The following CHRM3 variants were observed in gnomAD, a reference collection of about 807,000 sequenced individuals.
CHRM3 encodes muscarinic acetylcholine receptor M3.
Under a neutral mutation model 41.8 loss-of-function variants are expected in CHRM3, and 11 were observed. The ratio of observed to expected loss-of-function variants is 0.26; its 90% CI spans 0.17 to 0.44. CHRM3 has a LOEUF of 0.44. Among genes scored for constraint, CHRM3 ranks in the 20% least tolerant of loss-of-function variants. The pLI is 1.00. For synonymous variants in CHRM3, 297 were observed against 301.4 expected, an observed-to-expected ratio of 0.99 and a Z score of 0.15; for missense variants, 571 against 745.4, an observed-to-expected ratio of 0.77 and a Z score of 2.72.
chr1:239,905,943 A>G (rs1252353667), intron 6 of CHRM3, among the ~76,000 whole-genome samples: 2 of 152,230 alleles, frequency 1.3e-5, no homozygotes, highest in Admixed American at 6.5e-5. Flanking sequence ...ATATGTTAAA[A>G]CATTTTGATG....
At chr1:239,675,739 T>C (rs926616477) in intron 4 of CHRM3, among the ~76,000 whole-genome samples, 1 of 152,180 alleles carries the variant, frequency 6.6e-6, no homozygotes, top group Admixed American at 6.5e-5. Flanking sequence ...TCCTCTTTCA[T>C]GAGGGTGAGG....
At chr1:239,632,785 C>T (rs566294383) in intron 4 of CHRM3, among the ~76,000 whole-genome samples, 1 of 152,194 alleles carries the variant, frequency 6.6e-6, no homozygotes, top group South Asian at 2.1e-4. Context: ...ATCCAGCAAA[C>T]ACTGCTAACA....
intron 3 of CHRM3, chr1:239,606,015 A>G (rs1286927007): frequency 6.6e-6 from 1 of 152,170 alleles, no homozygotes; most frequent in Non-Finnish European, 1.5e-5. Flanking sequence ...TGTACAGTGT[A>G]CTTGACCAGA....
chr1:239,459,700 C>T (rs1161778194), intron 1 of CHRM3, among the ~76,000 whole-genome samples: 2 of 152,114 alleles, frequency 1.3e-5, no homozygotes, highest in Non-Finnish European at 2.9e-5. Flanking sequence ...TCTTCTCTAA[C>T]CTAGAATTAT....
rs138884858 is a variant in CHRM3 at position 239,711,180 on chromosome 1, C to T, written c.-147+32892C>T. Among the ~76,000 whole-genome samples the T allele has an allele frequency of 9.8e-3, 1,484 of 152,152 alleles. 27 individuals carry two copies. The highest frequency in any genetic ancestry group is 0.033 in the African/African-American group (1,386 of 41,512). On this transcript the variant is annotated intron_variant, in intron 5 of 6. Transcript: ENST00000676153. ...GTGTTGTTTGCCCATCTGCTTCTTC[C>T]ACTACACCGTAAGGTTTTGGGGTCA...
At chr1:239,580,718 C>T (rs1051457790) in intron 3 of CHRM3, among the ~76,000 whole-genome samples, 18 of 51,168 alleles carry the variant, frequency 3.5e-4, no homozygotes, top group South Asian at 3.0e-3. Context: ...CACACACACA[C>T]ACACACACAC....
At position 239,907,748 on chromosome 1, in the gene CHRM3, G is replaced by A. The variant is rs201994975; in HGVS notation, c.297G>A (p.Leu99=). 80 of 1,614,096 alleles carry A rather than the reference G, an allele frequency of 5.0e-5. No individual in the cohort carries two copies. Among genetic ancestry groups the A allele is most frequent in the Non-Finnish European group, 6.6e-5 (78 of 1,180,040 alleles). ...VIVSFKVNKQ[L]KTVNNYFLLS... ...TGTCATTTAAGGTCAACAAGCAGCT[G>A]AAGACGGTCAACAACTACTTCCTCT... Residue 99 remains leucine, a synonymous_variant, in exon 7 of 7, where the codon CTG becomes CTA. Coordinates refer to ENST00000676153, the MANE Select transcript of CHRM3 (RefSeq NM_001375978.1). The surrounding 1 kb of genome is among the most constrained non-coding windows in gnomAD (Gnocchi z 5.4).
intron 5 of CHRM3, among the ~76,000 whole-genome samples, chr1:239,794,305 G>GA (rs1187052743): frequency 1.3e-5 from 2 of 151,206 alleles, no homozygotes; most frequent in Non-Finnish European, 2.9e-5. Context: ...CGTGGTTACA[G>GA]AAAAAACCTT....
At chr1:239,867,097 C>T (rs1046861806) in intron 6 of CHRM3, among the ~76,000 whole-genome samples, 11 of 152,182 alleles carry the variant, frequency 7.2e-5, no homozygotes, top group African/African-American at 2.7e-4. Context: ...GCCCAGACAG[C>T]CATCTTCTTT....
intron 1 of CHRM3, among the ~76,000 whole-genome samples, chr1:239,398,392 C>T (rs761912009): frequency 1.6e-4 from 24 of 152,056 alleles, no homozygotes; most frequent in Non-Finnish European, 2.4e-4. Context: ...TGTGCCACCA[C>T]GCCTGGCTAA....
intron 2 of CHRM3, among the ~76,000 whole-genome samples, chr1:239,540,308 G>C (rs1460023455): frequency 5.3e-5 from 8 of 151,230 alleles, no homozygotes; most frequent in Admixed American, 5.3e-4. Context: ...TGCTAATCGG[G>C]AAGTGTTAAG....
chr1:239,553,250 T>A (rs1177007680), intron 3 of CHRM3, among the ~76,000 whole-genome samples: 2 of 152,112 alleles, frequency 1.3e-5, no homozygotes, highest in African/African-American at 4.8e-5. Context: ...GAGAACTAAT[T>A]TTATTTTTGA....
chr1:239,571,303 T>G (rs72756774), intron 3 of CHRM3, among the ~76,000 whole-genome samples: 5,147 of 152,248 alleles, frequency 0.034, 108 homozygotes, highest in Middle Eastern at 0.058. Context: ...AGAGAAAGTT[T>G]CTGGGAAGTA....
At position 239,908,733 on chromosome 1, in the gene CHRM3, C is replaced by T. The variant is rs143690744; in HGVS notation, c.1282C>T (p.Pro428Ser). 1.2e-6 allele frequency: 2 copies of T among 1,613,620 alleles called. No individual in the cohort carries two copies. The highest frequency in any genetic ancestry group is 1.1e-5 in the South Asian group (1 of 90,944). ...GSFPKSFSKL[P>S]IQLESAVDTA... ...TTTTCCAAAAAGCTTCTCCAAGCTT[C>T]CCATCCAGCTAGAGTCAGCCGTGGA... is the stretch of plus-strand genomic sequence containing the variant. The change falls in exon 7 of 7, where the codon CCC becomes TCC. Residue 428 changes from proline (P) to serine (S), a missense_variant. Around this residue, in one of 5 missense-constraint regions of CHRM3, gnomAD observed 239 missense variants for 239.6 expected, o/e 1.00. Transcript: ENST00000676153. The surrounding 1 kb of genome is among the most constrained non-coding windows in gnomAD (Gnocchi z 7.2).
intron 2 of CHRM3, among the ~76,000 whole-genome samples, chr1:239,519,139 T>G (rs1669462096): frequency 6.6e-6 from 1 of 152,178 alleles, no homozygotes; most frequent in South Asian, 2.1e-4. Context: ...GTACTCAGGA[T>G]TAGCTACTGA....
At chr1:239,819,989 G>C (rs1553275406) in intron 5 of CHRM3, among the ~76,000 whole-genome samples, 1 of 152,166 alleles carries the variant, frequency 6.6e-6, no homozygotes, top group Non-Finnish European at 1.5e-5. Context: ...TCACTGGGCA[G>C]TGAGAAGGTG....
At chr1:239,679,359 A>C (rs765889676) in intron 5 of CHRM3, among the ~76,000 whole-genome samples, 2 of 152,124 alleles carry the variant, frequency 1.3e-5, no homozygotes, top group Non-Finnish European at 2.9e-5. Flanking sequence ...GGGAAGTAGC[A>C]CAGAGGATAA....
intron 1 of CHRM3, among the ~76,000 whole-genome samples, chr1:239,446,385 ATATAC>A (rs1270693507): frequency 3.3e-5 from 5 of 152,228 alleles, no homozygotes; most frequent in African/African-American, 1.2e-4. Flanking sequence ...TATAGGAAAC[ATATAC>A]TAAAGTTTTT....
rs571084673 is a variant in CHRM3 at position 239,598,292 on chromosome 1, C to T, written c.-312-33932C>T. The stretch of plus-strand genomic sequence containing the variant: ...TTAAATCTGGATCTTTGTTGATTCA[C>T]AGCAAACAAGAAGCGTGTTATTCCT... On this transcript the variant is annotated intron_variant, in intron 3 of 6. Transcript: ENST00000676153. Among the ~76,000 whole-genome samples the T allele has an allele frequency of 3.3e-5, 5 of 152,200 alleles. No homozygotes were observed. In the South Asian group the frequency reaches 8.3e-4, roughly 25 times the overall value.
Sources: gnomAD v4.1 joint callset for allele counts (sites outside exome capture counted in the v4.1 genomes callset) on GRCh38, gnomAD v4.1.1 for gene constraint, gnomAD v4.1.1 regional missense constraint, Gnocchi (gnomAD v3.1) non-coding constraint, MANE v1.5 for transcripts, NCBI Gene and HGNC (gene_info 2026-07-23, HGNC 2026-07-21) for gene names.